The following ERBB4 variants were observed in gnomAD, a reference collection of about 807,000 sequenced individuals.
ERBB4 encodes the protein erb-b2 receptor tyrosine kinase 4.
A neutral mutation model predicts 158.0 loss-of-function variants in ERBB4; 42 were observed. That is an observed-to-expected ratio of 0.27 (90% CI 0.21 to 0.34). The LOEUF is 0.34. Among genes scored for constraint, ERBB4 ranks in the 10% least tolerant of loss-of-function variants. The probability of loss-of-function intolerance (pLI) is 1.00; values close to 1 mark genes in which losing one functional copy is unlikely to be tolerated. For synonymous variants in ERBB4, 583 were observed against 558.7 expected, an observed-to-expected ratio of 1.04 and a Z score of -0.61; for missense variants, 1,333 against 1,624.1, an observed-to-expected ratio of 0.82 and a Z score of 3.08.
chr2:212,105,270 G>A (rs551453766), intron 2 of ERBB4, among the ~76,000 whole-genome samples: 5 of 152,300 alleles, frequency 3.3e-5, no homozygotes, highest in East Asian at 1.9e-4. Flanking sequence ...TATTGCAGAC[G>A]AGTGAGTCCA....
At chr2:211,449,082 C>G (rs13390068) in intron 20 of ERBB4, among the ~76,000 whole-genome samples, 14,120 of 151,740 alleles carry the variant, frequency 0.093, 2,204 homozygotes, top group African/African-American at 0.32. Context: ...TGATTAGTAC[C>G]CAATAGTGTA....
chr2:211,405,551 C>A (rs929233827), intron 25 of ERBB4, among the ~76,000 whole-genome samples: 2 of 152,056 alleles, frequency 1.3e-5, no homozygotes, highest in Non-Finnish European at 2.9e-5. Context: ...ATTTGGATGC[C>A]CATTATTCTA....
chr2:212,376,881 G>T (rs2090341100), intron 1 of ERBB4, among the ~76,000 whole-genome samples: 1 of 151,892 alleles, frequency 6.6e-6, no homozygotes, highest in African/African-American at 2.4e-5. Flanking sequence ...TATGTTCAAA[G>T]AATGAATAAG....
At chr2:211,960,280 C>A (rs1191092532) in intron 2 of ERBB4, among the ~76,000 whole-genome samples, 1 of 151,936 alleles carries the variant, frequency 6.6e-6, no homozygotes. Context: ...GCTCAAGAAC[C>A]AATTGGAAGA....
intron 1 of ERBB4, among the ~76,000 whole-genome samples, chr2:212,294,329 T>C (rs956255152): frequency 7.9e-5 from 12 of 151,978 alleles, no homozygotes; most frequent in Non-Finnish European, 1.5e-4. Context: ...ACACTAAAAC[T>C]GAGAAATTCG....
At chr2:212,466,214 A>T (rs991661881) in intron 1 of ERBB4, among the ~76,000 whole-genome samples, 1 of 152,216 alleles carries the variant, frequency 6.6e-6, no homozygotes, top group African/African-American at 2.4e-5. Flanking sequence ...ATTACTGTTG[A>T]CCCTTGAACA....
intron 16 of ERBB4, among the ~76,000 whole-genome samples, chr2:211,639,412 C>CTA (rs1331821187): frequency 6.6e-6 from 1 of 152,064 alleles, no homozygotes; most frequent in Non-Finnish European, 1.5e-5. Context: ...GTTCAGCATG[C>CTA]TAAGTAATTT....
At chr2:212,434,221 T>C (rs1042012914) in intron 1 of ERBB4, among the ~76,000 whole-genome samples, 1 of 151,966 alleles carries the variant, frequency 6.6e-6, no homozygotes, top group African/African-American at 2.4e-5. Context: ...TAAAGCATAG[T>C]GGATATAGTA....
At chr2:211,632,890 G>A (rs1361377493) in intron 16 of ERBB4, among the ~76,000 whole-genome samples, 2 of 151,904 alleles carry the variant, frequency 1.3e-5, no homozygotes, top group Non-Finnish European at 2.9e-5. Flanking sequence ...GAACGGTAGA[G>A]GTACAAACAA....
At chr2:212,390,731 C>T (rs887110275) in intron 1 of ERBB4, among the ~76,000 whole-genome samples, 3 of 151,730 alleles carry the variant, frequency 2.0e-5, no homozygotes, top group Non-Finnish European at 4.4e-5. Flanking sequence ...TCCTTAATTT[C>T]TTTATTGGTG....
At chr2:212,124,587 G>A (rs936341597) in intron 2 of ERBB4, 165 bp downstream of exon 2, 19 of 711,424 alleles carry the variant, frequency 2.7e-5, no homozygotes, top group Admixed American at 1.4e-4. Context: ...TGTTACTCTT[G>A]TTCTTTTCCT....
intron 2 of ERBB4, among the ~76,000 whole-genome samples, chr2:212,009,440 T>C (rs2076334011): frequency 1.3e-5 from 2 of 151,406 alleles, no homozygotes; most frequent in Admixed American, 1.3e-4. Context: ...GGCAAGAACA[T>C]ATTCTTCCCT....
intron 15 of ERBB4, among the ~76,000 whole-genome samples, chr2:211,661,335 A>G (rs2071414348): frequency 6.6e-6 from 1 of 152,228 alleles, no homozygotes; most frequent in Non-Finnish European, 1.5e-5. Flanking sequence ...ACAGAAACAC[A>G]AAACTTTTGA....
chr2:211,686,088 C>A (rs1045956131), intron 12 of ERBB4, among the ~76,000 whole-genome samples: 4 of 151,934 alleles, frequency 2.6e-5, no homozygotes, highest in African/African-American at 9.7e-5. Flanking sequence ...CCTTTTCAAT[C>A]TATATGCTTT....
chr2:212,008,244 A>T (rs892441682), intron 2 of ERBB4, among the ~76,000 whole-genome samples: 3 of 152,114 alleles, frequency 2.0e-5, no homozygotes, highest in African/African-American at 7.2e-5. Context: ...AAATTATGAT[A>T]CATCTCGAGT....
At chr2:211,443,951 G>A (rs760800132) in intron 20 of ERBB4, among the ~76,000 whole-genome samples, 1 of 151,970 alleles carries the variant, frequency 6.6e-6, no homozygotes, top group Non-Finnish European at 1.5e-5. Flanking sequence ...CAGTTTTTAA[G>A]TAACTTGAAA....
At chr2:211,654,745 A>G (rs1269207365) in intron 16 of ERBB4, among the ~76,000 whole-genome samples, 1 of 152,182 alleles carries the variant, frequency 6.6e-6, no homozygotes, top group Non-Finnish European at 1.5e-5. Context: ...AAAAAACATC[A>G]TGGAGCCAAT....
chr2:211,869,422 T>C (rs555034003), intron 3 of ERBB4, among the ~76,000 whole-genome samples: 229 of 152,338 alleles, frequency 1.5e-3, no homozygotes, highest in African/African-American at 5.4e-3. Flanking sequence ...ACATGATATT[T>C]CCAACCTTCC....
rs908845966 is a variant in ERBB4 at position 212,501,160 on chromosome 2, C to A, written c.82+37289G>T. Among the ~76,000 whole-genome samples the A allele has an allele frequency of 5.3e-5, 8 of 152,072 alleles. 1 individual carries two copies. The highest frequency in any genetic ancestry group is 1.9e-4 in the African/African-American group (8 of 41,414). On this transcript the variant is annotated intron_variant, in intron 1 of 27. Coordinates refer to ENST00000342788, the MANE Select transcript of ERBB4 (RefSeq NM_005235.3). The stretch of plus-strand genomic sequence containing the variant: ...AATTAGAGAGGACAAAGATACACAG[C>A]CACACATCTAATGACACAAAGTACA...
Sources: allele counts gnomAD v4.1 joint callset (sites outside exome capture counted in the v4.1 genomes callset), GRCh38; gene constraint gnomAD v4.1.1; transcripts MANE v1.5; gene names NCBI Gene and HGNC (gene_info 2026-07-23, HGNC 2026-07-21).